ADGRE1: variants seen among roughly 807,000 people sequenced by gnomAD.
The protein encoded by ADGRE1 is adhesion G protein-coupled receptor E1.
ADGRE1 carries 82 observed loss-of-function variants against 102.7 expected under a neutral mutation model. The ratio of observed to expected loss-of-function variants is 0.80; its 90% confidence interval spans 0.67 to 0.96. The LOEUF is 0.96. ADGRE1 is among the 40% of genes least tolerant of loss of function. ADGRE1 has a pLI of 0.00. For missense variants in ADGRE1, 1,032 were observed against 1,085.3 expected, an observed-to-expected ratio of 0.95 and a Z score of 0.69; for synonymous variants, 398 against 399.6, an observed-to-expected ratio of 1.00 and a Z score of 0.05.
Position 6,940,077 on chromosome 19 carries a change from G to C in ADGRE1, c.*48G>C. On this transcript the variant is annotated 3_prime_UTR_variant, in exon 21 of 21. Coordinates refer to ENST00000312053, the MANE Select transcript of ADGRE1 (RefSeq NM_001974.5). ...TGCTATGGAGCCACAGTTGAGGACA[G>C]TAGTTTCCTGCAGGAGCCTACCCTG... 6.2e-7 allele frequency: 1 copy of C among 1,606,252 alleles called. No homozygotes were observed. The highest frequency in any genetic ancestry group is 8.5e-7 in the Non-Finnish European group (1 of 1,174,288).
At position 6,897,914 on chromosome 19, in the gene ADGRE1, T is replaced by TTTCCTTCCTTCCTTCC. The variant is rs5826951; in HGVS notation, c.514+401_514+416dup. ...TAGCTAGTATTGCTAGCAAACATGA[T>TTTCCTTCCTTCCTTCC]TTCCTTCCTTCCTTCCTTCCTTCCT... On this transcript the variant is annotated intron_variant, in intron 5 of 20. Coordinates refer to ENST00000312053, the MANE Select transcript of ADGRE1 (RefSeq NM_001974.5). 3.0e-3 allele frequency: 477 copies of TTTCCTTCCTTCCTTCC among 159,274 alleles called. 6 individuals carry two copies. The highest frequency in any genetic ancestry group is 6.5e-3 in the African/African-American group (246 of 37,576). 9.9% of individuals were successfully genotyped at this position (159,274 alleles called of 1,614,324 possible). A position where few individuals can be genotyped will look rare whatever the true frequency, so the allele number is the denominator to read the frequency against.
chr19:6,915,010 G>GTTTTTTTT (rs11448240), intron 11 of ADGRE1, among the ~76,000 whole-genome samples: 1 of 148,814 alleles, frequency 6.7e-6, no homozygotes. Flanking sequence ...GGGAGTTAAG[G>GTTTTTTTT]TTTTTTTTTT....
rs149695793 is a variant in ADGRE1, at chr19:6,906,504, G to T, written c.1021G>T (p.Ala341Ser). The change falls in exon 9 of 21, where the codon GCA becomes TCA. Residue 341 changes from alanine to serine, a missense_variant. Transcript: ENST00000312053. ...KQIQQCQEGT[A>S]VKPAYVSFCA... ...GATCCAGCAATGCCAAGAGGGAACC[G>T]CAGTGAAACCTGCATATGCAAGTAT... 1 of 1,613,502 alleles carries T rather than the reference G, an allele frequency of 6.2e-7. No homozygotes were observed. Among genetic ancestry groups the T allele is most frequent in the South Asian group, 1.1e-5 (1 of 91,008 alleles).
chr19:6,921,849 A>T lies in ADGRE1; in HGVS notation c.1757A>T (p.Asn586Ile), dbSNP rs1343550103. ...ATCTGCAGCTGTAATCAGATGGCAA[A>T]TCTTGCCGTTATCATGGCGTCTGGG... ...YTICSCNQMA[N>I]LAVIMASGEL... The change falls in exon 14 of 21, where the codon AAT becomes ATT. Residue 586 changes from asparagine (N) to isoleucine (I), a missense_variant. Transcript: ENST00000312053. The T allele has an allele frequency of 1.2e-6, 2 of 1,614,034 alleles. No homozygotes were observed. The highest frequency in any genetic ancestry group is 8.5e-7 in the Non-Finnish European group (1 of 1,179,976).
rs757641142 is a variant in ADGRE1, at chr19:6,887,656, A to G, written c.31+17A>G. 9 of 1,607,894 alleles carry G rather than the reference A, an allele frequency of 5.6e-6. No homozygotes were observed. In the East Asian group the frequency reaches 2.0e-4, roughly 36 times the overall value. The stretch of plus-strand genomic sequence containing the variant: ...TCTTCTGGGGTGAGTGTGAGGCTGA[A>G]TGGGGGGCTAGGGGAGGCCTGGATT... On this transcript the variant is annotated intron_variant, in intron 1 of 20. Transcript: ENST00000312053.
intron 10 of ADGRE1, 112 bp downstream of exon 10, chr19:6,908,884 A>G (rs147650109): frequency 0.025 from 24,276 of 961,406 alleles, 404 homozygotes; most frequent in Middle Eastern, 0.051. Context: ...CCATAATCCC[A>G]GCACTTTGGG....
intron 10 of ADGRE1, among the ~76,000 whole-genome samples, chr19:6,912,992 T>A (rs1200242721): frequency 2.0e-5 from 3 of 152,154 alleles, no homozygotes. Context: ...TGGAGTGCAG[T>A]GGAGTGATCA....
At chr19:6,922,632 A>G (rs1464388648) in intron 14 of ADGRE1, among the ~76,000 whole-genome samples, 4 of 151,338 alleles carry the variant, frequency 2.6e-5, no homozygotes, top group Non-Finnish European at 5.9e-5. Flanking sequence ...ACACACACAC[A>G]CACACACACA....
Position 6,897,071 on chromosome 19 carries a change from C to CTTTT in ADGRE1, c.239-62_239-59dup, listed in dbSNP as rs11397719. On this transcript the variant is annotated intron_variant, in intron 3 of 20. Coordinates refer to ENST00000312053, the MANE Select transcript of ADGRE1 (RefSeq NM_001974.5). ...TATGGGATGGGAGATATTGTTTTAACTTTTTTTTTTTTTTTTTTTGCAAAA... is the reference window on the plus strand; with the variant it reads ...TATGGGATGGGAGATATTGTTTTAACTTTTTTTTTTTTTTTTTTTTTTTGCAAAA... 3.3e-3 allele frequency: 2,556 copies of CTTTT among 777,360 alleles called. 47 individuals carry two copies. Among genetic ancestry groups the CTTTT allele is most frequent in the African/African-American group, 0.031 (1,206 of 39,108 alleles). 48.2% of individuals were successfully genotyped at this position (777,360 alleles called of 1,614,324 possible).
Position 6,913,841 on chromosome 19 carries a change from C to T in ADGRE1, c.1300+11C>T, listed in dbSNP as rs1216207778. Reference sequence around the variant, plus strand: ...GGACGGAATACTTAGGTAGGAGACACCCTTTGTGGCAAGGTTACACCTAGG... The same window carrying T: ...GGACGGAATACTTAGGTAGGAGACATCCTTTGTGGCAAGGTTACACCTAGG... On this transcript the variant is annotated intron_variant, in intron 11 of 20. Transcript: ENST00000312053. 12 of 1,560,814 alleles carry T rather than the reference C, an allele frequency of 7.7e-6. No individual in the cohort carries two copies. Among genetic ancestry groups the T allele is most frequent in the Non-Finnish European group, 1.0e-5 (12 of 1,147,448 alleles).
At chr19:6,887,688 A>G (rs367941009) in intron 1 of ADGRE1, 49 bp downstream of exon 1, 20 of 1,581,678 alleles carry the variant, frequency 1.3e-5, no homozygotes, top group Admixed American at 7.5e-5. Flanking sequence ...GATTGGAAAT[A>G]GACTTCAGGA....
chr19:6,909,715 T>TTTGG (rs1418773869), intron 10 of ADGRE1, among the ~76,000 whole-genome samples: 5 of 152,124 alleles, frequency 3.3e-5, no homozygotes, highest in African/African-American at 9.6e-5. Context: ...GGTGGTTTTT[T>TTTGG]TTGTTTGTTT....
At position 6,898,620 on chromosome 19, in the gene ADGRE1, T is replaced by A. The variant is rs1599717515; in HGVS notation, c.514+1073T>A. On this transcript the variant is annotated intron_variant, in intron 5 of 20. Coordinates refer to ENST00000312053, the MANE Select transcript of ADGRE1 (RefSeq NM_001974.5). ...AGTCCCTCACCAGCAGCGTCTGCCC[T>A]GAGCATTCTGACTGTGTCAACTCCA... 4.1e-6 allele frequency: 6 copies of A among 1,447,240 alleles called. No homozygotes were observed. In the East Asian group the frequency reaches 1.4e-4, roughly 33 times the overall value. 89.6% of individuals were successfully genotyped at this position (1,447,240 alleles called of 1,614,324 possible). A position where few individuals can be genotyped will look rare whatever the true frequency, so the allele number is the denominator to read the frequency against.
At chr19:6,925,432 A>T (rs565679242) in intron 15 of ADGRE1, among the ~76,000 whole-genome samples, 1 of 152,084 alleles carries the variant, frequency 6.6e-6, no homozygotes, top group East Asian at 1.9e-4. Context: ...CCCTCCTGTT[A>T]CTTTCTAAAC....
chr19:6,936,843 G>A (rs971352761), intron 18 of ADGRE1, among the ~76,000 whole-genome samples: 78 of 152,182 alleles, frequency 5.1e-4, no homozygotes, highest in African/African-American at 1.7e-3. Flanking sequence ...GGCTGGGCTC[G>A]AACTCCTGTC....
intron 11 of ADGRE1, 147 bp from the exon 12 acceptor site, chr19:6,916,102 G>T (rs1974369767): frequency 5.2e-6 from 4 of 766,060 alleles, no homozygotes; most frequent in African/African-American, 3.5e-5. Context: ...TTCATCATGG[G>T]CCTCAAGATC....
intron 2 of ADGRE1, among the ~76,000 whole-genome samples, chr19:6,894,713 T>C (rs1305508148): frequency 6.6e-6 from 1 of 152,150 alleles, no homozygotes; most frequent in East Asian, 1.9e-4. Flanking sequence ...CAAATGTGCA[T>C]TCAGAGATGA....
intron 3 of ADGRE1, 62 bp downstream of exon 3, chr19:6,896,603 G>T: frequency 6.3e-7 from 1 of 1,576,544 alleles, no homozygotes; most frequent in Non-Finnish European, 8.6e-7. Flanking sequence ...AAAGCTGGCT[G>T]GGTATTGAAT....
At chr19:6,921,949 A>G (rs542297140) in intron 14 of ADGRE1, 66 bp downstream of exon 14, 61 of 1,529,892 alleles carry the variant, frequency 4.0e-5, no homozygotes, top group African/African-American at 1.9e-4. Context: ...GAAAATATTG[A>G]TTAAACATCT....
Sources: allele counts gnomAD v4.1 joint callset (sites outside exome capture counted in the v4.1 genomes callset), GRCh38; gene constraint gnomAD v4.1.1; transcripts MANE v1.5; gene names NCBI Gene and HGNC (gene_info 2026-07-23, HGNC 2026-07-21).